The following SYT1 variants were observed in gnomAD, a reference collection of about 807,000 sequenced individuals.
The protein encoded by SYT1 is synaptotagmin-1.
Under a neutral mutation model 44.8 loss-of-function variants are expected in SYT1, and 8 were observed. That is an observed-to-expected ratio of 0.18 (90% confidence interval 0.10 to 0.32). SYT1 has a LOEUF of 0.32. Ranked by LOEUF, SYT1 falls within the 10% of genes least tolerant of loss-of-function variation. The probability of loss-of-function intolerance (pLI) is 1.00; values close to 1 mark genes in which losing one functional copy is unlikely to be tolerated. For missense variants in SYT1, 286 were observed against 509.3 expected (o/e 0.56, Z 4.22); for synonymous variants, 154 against 188.8 (o/e 0.82, Z 1.51).
At chr12:79,249,088 C>CTTTCTTTTTT (rs1877025840) in intron 4 of SYT1, among the ~76,000 whole-genome samples, 1 of 71,816 alleles carries the variant, frequency 1.4e-5, no homozygotes. Context: ...TTACCTCTTT[C>CTTTCTTTTTT]TTTTTTTTTT....
At chr12:78,890,938 C>T (rs1260567150) in intron 1 of SYT1, among the ~76,000 whole-genome samples, 1 of 151,902 alleles carries the variant, frequency 6.6e-6, no homozygotes, top group Non-Finnish European at 1.5e-5. Context: ...AACTATGCTC[C>T]TAACATGCAC....
intron 9 of SYT1, among the ~76,000 whole-genome samples, chr12:79,368,897 G>A (rs1883669943): frequency 6.6e-6 from 1 of 152,168 alleles, no homozygotes; most frequent in Non-Finnish European, 1.5e-5. Flanking sequence ...AAGCTCTTTA[G>A]TTTAATTAGA....
intron 1 of SYT1, among the ~76,000 whole-genome samples, chr12:78,876,387 T>A (rs1265800151): frequency 6.7e-6 from 1 of 150,054 alleles, no homozygotes; most frequent in Non-Finnish European, 1.5e-5. Flanking sequence ...CAATCATAAA[T>A]GTTCCTCTTT....
At chr12:79,442,680 G>C (rs996800055) in intron 9 of SYT1, among the ~76,000 whole-genome samples, 1 of 152,112 alleles carries the variant, frequency 6.6e-6, no homozygotes, top group Non-Finnish European at 1.5e-5. Flanking sequence ...GACAGACAAA[G>C]TGTCTGTCCC....
At chr12:78,909,698 A>G (rs1876205113) in intron 1 of SYT1, among the ~76,000 whole-genome samples, 1 of 152,014 alleles carries the variant, frequency 6.6e-6, no homozygotes, top group Non-Finnish European at 1.5e-5. Context: ...ATGACTAATC[A>G]ATATAATATC....
intron 6 of SYT1, among the ~76,000 whole-genome samples, chr12:79,294,434 A>G (rs540513712): frequency 6.6e-6 from 1 of 152,256 alleles, no homozygotes; most frequent in African/African-American, 2.4e-5. Flanking sequence ...TAAAGTTTGG[A>G]TCAAATATAT....
intron 9 of SYT1, among the ~76,000 whole-genome samples, chr12:79,432,474 T>C (rs1424578236): frequency 1.3e-5 from 2 of 152,110 alleles, no homozygotes; most frequent in Non-Finnish European, 2.9e-5. Context: ...TTTGGTTTTC[T>C]GTCCTTGAAC....
chr12:79,285,941 A>G lies in SYT1; in HGVS notation c.321A>G (p.Val107=). 3 of 1,612,610 alleles carry G rather than the reference A, an allele frequency of 1.9e-6. No homozygotes were observed. The highest frequency in any genetic ancestry group is 2.5e-6 in the Non-Finnish European group (3 of 1,179,676). Residue 107 remains valine (V), a synonymous_variant, in exon 5 of 11, where the codon GTA becomes GTG. Coordinates refer to ENST00000261205, the MANE Select transcript of SYT1 (RefSeq NM_005639.3). ...GGKNAINMKD[V]KDLGKTMKDQ... is the part of the protein sequence containing the mutation. ...AGAATGCCATTAACATGAAAGATGT[A>G]AAAGACTTAGGGAAGACGATGAAAG...
intron 2 of SYT1, among the ~76,000 whole-genome samples, chr12:79,025,178 A>G (rs1044306390): frequency 6.6e-6 from 1 of 151,842 alleles, no homozygotes; most frequent in Non-Finnish European, 1.5e-5. Flanking sequence ...TTGACGTGAT[A>G]CATGTATTAA....
rs115632117 is a variant in SYT1 at position 79,233,563 on chromosome 12, C to T, written c.166+15878C>T. Among the ~76,000 whole-genome samples the T allele has an allele frequency of 3.7e-3, 571 of 152,330 alleles. 1 individual carries two copies. The highest frequency in any genetic ancestry group is 0.013 in the African/African-American group (541 of 41,574). On this transcript the variant is annotated intron_variant, in intron 4 of 10. Coordinates refer to ENST00000261205, the MANE Select transcript of SYT1 (RefSeq NM_005639.3). The stretch of plus-strand genomic sequence containing the variant: ...GATATCATTTGAAGTGGTGCTTCCA[C>T]GTGGCCTGGACAGCCATCTTCTGCC...
At chr12:79,002,363 T>A (rs955985020) in intron 2 of SYT1, among the ~76,000 whole-genome samples, 1 of 152,114 alleles carries the variant, frequency 6.6e-6, no homozygotes, top group African/African-American at 2.4e-5. Flanking sequence ...ACTTACTTGC[T>A]CTTAGCTGAA....
At chr12:79,414,893 T>C (rs1212441924) in intron 9 of SYT1, among the ~76,000 whole-genome samples, 2 of 151,992 alleles carry the variant, frequency 1.3e-5, no homozygotes, top group Non-Finnish European at 2.9e-5. Flanking sequence ...GCAATAGGAC[T>C]CAAAAAACCA....
chr12:78,882,165 T>C (rs1166330938), intron 1 of SYT1, among the ~76,000 whole-genome samples: 5 of 151,784 alleles, frequency 3.3e-5, no homozygotes, highest in Non-Finnish European at 7.4e-5. Context: ...AAAAAACGTT[T>C]GCTGAATGAA....
intron 9 of SYT1, among the ~76,000 whole-genome samples, chr12:79,413,353 C>T (rs747459022): frequency 1.6e-4 from 25 of 152,122 alleles, no homozygotes; most frequent in Non-Finnish European, 2.6e-4. Context: ...GAAAATATTC[C>T]AAGGGGCTCA....
At chr12:79,147,779 T>G (rs1870012729) in intron 3 of SYT1, among the ~76,000 whole-genome samples, 1 of 152,194 alleles carries the variant, frequency 6.6e-6, no homozygotes, top group Non-Finnish European at 1.5e-5. Flanking sequence ...ATATGAAATA[T>G]CAATCCTGAA....
intron 9 of SYT1, among the ~76,000 whole-genome samples, chr12:79,400,098 C>G (rs1167048423): frequency 6.6e-6 from 1 of 152,194 alleles, no homozygotes; most frequent in Non-Finnish European, 1.5e-5. Flanking sequence ...TGGAACTTCA[C>G]TTTTTCTCCA....
chr12:79,313,405 G>T (rs139396253), intron 8 of SYT1, among the ~76,000 whole-genome samples: 1 of 152,194 alleles, frequency 6.6e-6, no homozygotes, highest in African/African-American at 2.4e-5. Context: ...TTCTTTAGCA[G>T]TATTTGAGGG....
At chr12:78,909,948 G>A (rs1271449962) in intron 1 of SYT1, among the ~76,000 whole-genome samples, 1 of 151,828 alleles carries the variant, frequency 6.6e-6, no homozygotes, top group Non-Finnish European at 1.5e-5. Flanking sequence ...AGATATTACT[G>A]ATGCCCTAGT....
chr12:78,898,344 A>G (rs1354416635), intron 1 of SYT1, among the ~76,000 whole-genome samples: 5 of 152,070 alleles, frequency 3.3e-5, no homozygotes, highest in Non-Finnish European at 1.5e-5. Flanking sequence ...TGCCAAAACT[A>G]TTCTGTCAAT....
Sources: gnomAD v4.1 joint callset for allele counts (sites outside exome capture counted in the v4.1 genomes callset) on GRCh38, gnomAD v4.1.1 for gene constraint, MANE v1.5 for transcripts, NCBI Gene and HGNC (gene_info 2026-07-23, HGNC 2026-07-21) for gene names.